The following NEDD9 variants were observed in gnomAD, a reference collection of about 807,000 sequenced individuals.
NEDD9 encodes neural precursor cell expressed, developmentally down-regulated 9.
Under a neutral mutation model 76.6 loss-of-function variants are expected in NEDD9, and 26 were observed. The observed-to-expected ratio is 0.34, with a 90% CI of 0.25 to 0.47. The LOEUF (loss-of-function observed/expected upper bound fraction) is 0.47. NEDD9 is among the 20% of genes least tolerant of loss of function. The pLI is 1.00. For synonymous variants in NEDD9, 392 were observed against 414.2 expected, an observed-to-expected ratio of 0.95 and a Z score of 0.65; for missense variants, 937 against 1,058.5, an observed-to-expected ratio of 0.89 and a Z score of 1.59.
chr6:11,184,421 T>C lies in NEDD9; in HGVS notation c.*741A>G, dbSNP rs571897809. 3 of 152,306 alleles carry C rather than the reference T, an allele frequency of 2.0e-5. No individual in the cohort carries two copies. Among genetic ancestry groups the C allele is most frequent in the South Asian group, 4.1e-4 (2 of 4,828 alleles). The allele number at this position is 152,306 out of a possible 1,614,324, so 9.4% of individuals were successfully genotyped here. On this transcript the variant is annotated 3_prime_UTR_variant, in exon 7 of 7. Transcript: ENST00000379446. ...AGATTGAACAGCCCCAGGGAGGCAA[T>C]TGCTCTCCTTTTATTGTAGCTGTCT... is the stretch of plus-strand genomic sequence containing the variant.
intron 1 of NEDD9, among the ~76,000 whole-genome samples, chr6:11,232,219 G>C (rs1208151294): frequency 6.6e-6 from 1 of 152,212 alleles, no homozygotes; most frequent in Non-Finnish European, 1.5e-5. Context: ...CTGATCTCCA[G>C]TGGCTGCTGT....
chr6:11,322,799 C>T (rs759037195), intron 2 of NEDD9, among the ~76,000 whole-genome samples: 10 of 152,112 alleles, frequency 6.6e-5, no homozygotes, highest in South Asian at 6.2e-4. Context: ...GCTCTAGGGG[C>T]GAGGCCTGGG....
At chr6:11,338,080 A>G (rs1582037877) in intron 1 of NEDD9, among the ~76,000 whole-genome samples, 2 of 152,146 alleles carry the variant, frequency 1.3e-5, no homozygotes, top group East Asian at 3.8e-4. Flanking sequence ...CCTAAGCCCC[A>G]GTGCCTCAGA....
chr6:11,220,607 G>A (rs1759110914), intron 1 of NEDD9, among the ~76,000 whole-genome samples: 1 of 152,188 alleles, frequency 6.6e-6, no homozygotes, highest in Non-Finnish European at 1.5e-5. Context: ...TCTGATGAAG[G>A]ATCATTTGGA....
chr6:11,189,925 T>C (rs756049363), intron 5 of NEDD9, 39 bp downstream of exon 5: 25 of 1,502,482 alleles, frequency 1.7e-5, no homozygotes, highest in Non-Finnish European at 2.0e-5. Flanking sequence ...TCCCTGCATG[T>C]GAGTGAGTGT....
chr6:11,370,917 T>C lies in NEDD9; in HGVS notation c.-214+11222A>G, dbSNP rs953607033. On this transcript the variant is annotated intron_variant, in intron 1 of 3. Transcript: ENST00000397378. This position sits in a 1 kb window ranked among gnomAD's most constrained non-coding sequence, Gnocchi z 4.2. ...GAGGTGACCCCGTGGCCATTTTGCATGGCATGTGAGGGAGGGCTGGCGGAT... is the reference window on the plus strand; with the variant it reads ...GAGGTGACCCCGTGGCCATTTTGCACGGCATGTGAGGGAGGGCTGGCGGAT... 6.6e-6 allele frequency among the ~76,000 whole-genome samples: 1 copy of C among 152,084 alleles called. No homozygotes were observed. Among genetic ancestry groups the C allele is most frequent in the Non-Finnish European group, 1.5e-5 (1 of 68,006 alleles).
chr6:11,371,069 C>T (rs73366863), intron 1 of NEDD9, among the ~76,000 whole-genome samples: 14,981 of 152,060 alleles, frequency 0.099, 809 homozygotes, highest in African/African-American at 0.15. Flanking sequence ...TCTTGGCCTT[C>T]TGGGGGAACA....
chr6:11,346,376 G>A (rs1444902540), intron 1 of NEDD9, among the ~76,000 whole-genome samples: 1 of 152,068 alleles, frequency 6.6e-6, no homozygotes, highest in Non-Finnish European at 1.5e-5. Flanking sequence ...TGGGAGACCA[G>A]TGCTAACAGT....
intron 3 of NEDD9, among the ~76,000 whole-genome samples, chr6:11,293,380 A>G (rs2113380608): frequency 6.6e-6 from 1 of 152,302 alleles, no homozygotes; most frequent in Middle Eastern, 3.4e-3. Flanking sequence ...TTAGCAGCCC[A>G]GGATTGGGCC....
intron 1 of NEDD9, among the ~76,000 whole-genome samples, chr6:11,378,524 G>A (rs1333331035): frequency 6.6e-6 from 1 of 152,186 alleles, no homozygotes; most frequent in Non-Finnish European, 1.5e-5. Context: ...CAATTGTTTA[G>A]GGGCACACAG....
intron 3 of NEDD9, among the ~76,000 whole-genome samples, chr6:11,281,498 C>G (rs1281818896): frequency 1.3e-5 from 2 of 152,182 alleles, no homozygotes; most frequent in African/African-American, 4.8e-5. Flanking sequence ...TCTGGAGCTA[C>G]AGCAGTCCCC....
intron 3 of NEDD9, among the ~76,000 whole-genome samples, chr6:11,247,606 C>T (rs917215312): frequency 2.6e-5 from 4 of 152,200 alleles, no homozygotes; most frequent in Non-Finnish European, 4.4e-5. Flanking sequence ...CCATTTCCCC[C>T]CAGGCCCCAG....
chr6:11,361,873 G>A (rs186387285), intron 1 of NEDD9, among the ~76,000 whole-genome samples: 1 of 152,172 alleles, frequency 6.6e-6, no homozygotes, highest in Non-Finnish European at 1.5e-5. Context: ...TGTTCAAGAA[G>A]TAGGTGGTAT....
intron 1 of NEDD9, among the ~76,000 whole-genome samples, chr6:11,376,284 G>C (rs768860273): frequency 2.6e-5 from 4 of 152,212 alleles, no homozygotes; most frequent in Non-Finnish European, 4.4e-5. Context: ...TAAGGGAGAG[G>C]CTGGAAGAGT....
At chr6:11,222,683 CT>C (rs1759181386) in intron 1 of NEDD9, among the ~76,000 whole-genome samples, 1 of 152,220 alleles carries the variant, frequency 6.6e-6, no homozygotes, top group Admixed American at 6.5e-5. Context: ...CAGAGAAATA[CT>C]TTAAAGTTGC....
At chr6:11,277,148 C>T (rs917803771) in intron 3 of NEDD9, among the ~76,000 whole-genome samples, 2 of 152,182 alleles carry the variant, frequency 1.3e-5, no homozygotes, top group Non-Finnish European at 2.9e-5. Flanking sequence ...GCAAAGACAT[C>T]CACTGGGAAA....
chr6:11,336,333 CA>C lies in NEDD9; in HGVS notation c.-213-1773del, dbSNP rs572835313. Among the ~76,000 whole-genome samples the C allele has an allele frequency of 3.1e-4, 47 of 152,308 alleles. 2 individuals are homozygous for C. In the South Asian group the frequency reaches 9.7e-3, roughly 32 times the overall value. The stretch of plus-strand genomic sequence containing the variant: ...TGCATAGAGTGTACTCACACAAACC[CA>C]GATGGTAGAGCCTACTACTTACCCA... On this transcript the variant is annotated intron_variant, in intron 1 of 3. Coordinates refer to the NEDD9 transcript ENST00000397378.
chr6:11,311,239 TAA>T (rs767455178), intron 2 of NEDD9, among the ~76,000 whole-genome samples: 6 of 152,156 alleles, frequency 3.9e-5, no homozygotes, highest in Non-Finnish European at 8.8e-5. Context: ...TATTTGGAAA[TAA>T]AGTCATTGCA....
intron 2 of NEDD9, chr6:11,328,790 TC>T (rs1761980176): frequency 6.6e-6 from 1 of 152,176 alleles, no homozygotes; most frequent in South Asian, 2.1e-4. Context: ...TTACCAATCT[TC>T]CCCTGGAATG....
Sources: allele counts gnomAD v4.1 joint callset (sites outside exome capture counted in the v4.1 genomes callset), GRCh38; gene constraint gnomAD v4.1.1; non-coding constraint Gnocchi (gnomAD v3.1); transcripts MANE v1.5; gene names NCBI Gene and HGNC (gene_info 2026-07-23, HGNC 2026-07-21).